CCDC141: variants seen among roughly 807,000 people sequenced by gnomAD.
The protein encoded by CCDC141 is coiled-coil domain-containing protein 141.
Under a neutral mutation model 181.0 loss-of-function variants are expected in CCDC141, and 168 were observed. The ratio of observed to expected loss-of-function variants is 0.93; its 90% confidence interval spans 0.82 to 1.05. The LOEUF is 1.05. Among genes scored for constraint, CCDC141 ranks in the 50% least tolerant of loss-of-function variants. The pLI is 0.00. For synonymous variants in CCDC141, 666 were observed against 642.3 expected (o/e 1.04, Z -0.56); for missense variants, 1,902 against 1,788.5 (o/e 1.06, Z -1.14).
At chr2:178,817,473 T>C in the CCDC141 span, 1 of 470,328 alleles carries the variant, frequency 2.1e-6, no homozygotes, top group South Asian at 1.6e-5. Context: ...AAACATAGAG[T>C]TATGAAACAC....
intron 2 of CCDC141, among the ~76,000 whole-genome samples, chr2:179,023,553 A>T (rs1304500357): frequency 6.6e-6 from 1 of 152,244 alleles, no homozygotes; most frequent in Non-Finnish European, 1.5e-5. Flanking sequence ...TCTCACTAGC[A>T]ATCATGCAAT....
intron 22 of CCDC141, among the ~76,000 whole-genome samples, chr2:178,839,039 G>A (rs1684607901): frequency 6.6e-6 from 1 of 152,162 alleles, no homozygotes. Flanking sequence ...ATGCATATAG[G>A]AAAGTCACAT....
chr2:178,853,254 C>A (rs1685241634), intron 20 of CCDC141, among the ~76,000 whole-genome samples, 187 bp downstream of exon 20: 1 of 152,186 alleles, frequency 6.6e-6, no homozygotes, highest in Non-Finnish European at 1.5e-5. Flanking sequence ...CATCTGCTGT[C>A]AGAAATTCCT....
intron 6 of CCDC141, among the ~76,000 whole-genome samples, chr2:178,924,542 A>G (rs893875397): frequency 6.6e-6 from 1 of 152,042 alleles, no homozygotes; most frequent in Non-Finnish European, 1.5e-5. Flanking sequence ...TGAGCCCTTT[A>G]GAAGTTGAAA....
At chr2:178,834,866 T>A (rs1405093784) in intron 23 of CCDC141, among the ~76,000 whole-genome samples, 2 of 151,532 alleles carry the variant, frequency 1.3e-5, no homozygotes, top group East Asian at 3.9e-4. Context: ...GCGCTGTTTA[T>A]CTTTCAAGCA....
At chr2:178,932,568 A>G (rs1347969494) in intron 6 of CCDC141, among the ~76,000 whole-genome samples, 2 of 152,238 alleles carry the variant, frequency 1.3e-5, no homozygotes, top group Non-Finnish European at 1.5e-5. Flanking sequence ...TTGGAAAAAA[A>G]TCATTGAAAA....
At chr2:178,962,929 C>T (rs936347733) in intron 4 of CCDC141, among the ~76,000 whole-genome samples, 19 of 152,196 alleles carry the variant, frequency 1.2e-4, no homozygotes, top group South Asian at 2.1e-4. Context: ...TTATCTTTAC[C>T]GTACTCATAT....
chr2:178,820,192 T>G, the CCDC141 span, among the ~76,000 whole-genome samples: 1 of 152,190 alleles, frequency 6.6e-6, no homozygotes, highest in Non-Finnish European at 1.5e-5. Flanking sequence ...TTTGAAAATC[T>G]GTGGTTCTGA....
At chr2:179,045,995 CA>C (rs1357392192) in intron 2 of CCDC141, among the ~76,000 whole-genome samples, 1 of 152,196 alleles carries the variant, frequency 6.6e-6, no homozygotes, top group Non-Finnish European at 1.5e-5. Context: ...TTCATTTACT[CA>C]GTTACTTTTA....
chr2:178,971,477 T>C (rs1690885576), intron 4 of CCDC141, among the ~76,000 whole-genome samples: 1 of 152,106 alleles, frequency 6.6e-6, no homozygotes, highest in Admixed American at 6.5e-5. Flanking sequence ...TTGGTGGGAG[T>C]GTAAACTAGT....
chr2:178,965,192 T>C (rs972124737), intron 4 of CCDC141, among the ~76,000 whole-genome samples: 4 of 152,178 alleles, frequency 2.6e-5, no homozygotes, highest in African/African-American at 4.8e-5. Flanking sequence ...TTCTAAATGT[T>C]CCCCAGTGGG....
chr2:179,011,872 A>C (rs1400225858), intron 2 of CCDC141, among the ~76,000 whole-genome samples: 10 of 152,320 alleles, frequency 6.6e-5, no homozygotes, highest in Admixed American at 2.0e-4. Context: ...CTGAATGAGT[A>C]CTGGGTCAAA....
Position 178,853,135 on chromosome 2 carries a change from G to A in CCDC141, c.3244+306C>T, listed in dbSNP as rs113837085. Among the ~76,000 whole-genome samples the A allele has an allele frequency of 1.1e-3, 165 of 152,282 alleles. 1 individual carries two copies. The highest frequency in any genetic ancestry group is 3.8e-3 in the African/African-American group (158 of 41,564). On this transcript the variant is annotated intron_variant, in intron 20 of 23. Coordinates refer to ENST00000443758, the MANE Select transcript of CCDC141 (RefSeq NM_173648.4). ...TTTGTTTGTTTGTTTGTTTATATAA[G>A]CTGAGTATTGTTCTGGTGTTATTAC...
At chr2:178,995,806 C>A (rs943709042) in intron 2 of CCDC141, among the ~76,000 whole-genome samples, 1 of 152,108 alleles carries the variant, frequency 6.6e-6, no homozygotes. Context: ...TATTTTCTTA[C>A]CTAGCTATTT....
At chr2:178,878,286 T>C (rs544894896) in intron 11 of CCDC141, 143 bp from the exon 12 acceptor site, 2 of 220,142 alleles carry the variant, frequency 9.1e-6, no homozygotes, top group East Asian at 1.8e-4. Context: ...TTTATTTATT[T>C]ATTTATTTAT....
intron 21 of CCDC141, among the ~76,000 whole-genome samples, chr2:178,848,050 G>C (rs1014711107): frequency 3.9e-5 from 6 of 152,214 alleles, no homozygotes; most frequent in Non-Finnish European, 8.8e-5. Context: ...TAGCAGCCAG[G>C]ATGGACTAAG....
At chr2:178,953,005 T>C (rs1298959533) in intron 5 of CCDC141, among the ~76,000 whole-genome samples, 3 of 152,342 alleles carry the variant, frequency 2.0e-5, no homozygotes, top group East Asian at 3.9e-4. Context: ...AGACCAGATT[T>C]GCAAACATGA....
chr2:178,953,090 T>A (rs995134623), intron 5 of CCDC141, among the ~76,000 whole-genome samples: 1 of 152,198 alleles, frequency 6.6e-6, no homozygotes, highest in Non-Finnish European at 1.5e-5. Context: ...GGAGTCAAAT[T>A]TGAACAACTT....
At chr2:178,937,875 T>C (rs1558993137) in intron 6 of CCDC141, among the ~76,000 whole-genome samples, 1 of 152,182 alleles carries the variant, frequency 6.6e-6, no homozygotes, top group African/African-American at 2.4e-5. Flanking sequence ...TTTCTGATGG[T>C]TATTTTTATT....
Sources: allele counts gnomAD v4.1 joint callset (sites outside exome capture counted in the v4.1 genomes callset), GRCh38; gene constraint gnomAD v4.1.1; transcripts MANE v1.5; gene names NCBI Gene and HGNC (gene_info 2026-07-23, HGNC 2026-07-21).